GRM1: variants seen among roughly 807,000 people sequenced by gnomAD.
GRM1 encodes metabotropic glutamate receptor 1.
In GRM1, 33 loss-of-function variants were observed where a neutral mutation model predicts 90.9. That is an observed-to-expected ratio of 0.36 (90% CI 0.28 to 0.49). GRM1 has a LOEUF of 0.49. Among genes scored for constraint, GRM1 ranks in the 20% least tolerant of loss-of-function variants. The pLI is 0.99. For missense variants in GRM1, 1,190 were observed against 1,534.3 expected (o/e 0.78, Z 3.75); for synonymous variants, 700 against 613.2 (o/e 1.14, Z -2.09).
At chr6:146,396,905 C>A (rs362931) in intron 6 of GRM1, among the ~76,000 whole-genome samples, 2,816 of 152,180 alleles carry the variant, frequency 0.019, 34 homozygotes, top group Middle Eastern at 0.034. Flanking sequence ...AGTTTAAGTG[C>A]CTTCTATATA....
chr6:146,434,360 C>T lies in GRM1; in HGVS notation c.3149C>T (p.Ala1050Val), dbSNP rs759211795. 2 of 1,612,460 alleles carry T rather than the reference C, an allele frequency of 1.2e-6. No homozygotes were observed. The highest frequency in any genetic ancestry group is 3.3e-5 in the Admixed American group (2 of 59,944). The change falls in exon 8 of 8, where the codon GCG becomes GTG. Residue 1050 changes from alanine to valine, a missense_variant. Around this residue, in one of 10 missense-constraint regions of GRM1, gnomAD observed 400 missense variants for 360.8 expected, o/e 1.11. Transcript: ENST00000282753. ...NFSTAIPDFH[A>V]VLAGPGGPGN... The stretch of plus-strand genomic sequence containing the variant: ...AGTACCGCGATCCCGGATTTTCACG[C>T]GGTGCTGGCAGGCCCCGGTGGTCCC...
At chr6:146,131,711 C>T (rs1158880436) in intron 1 of GRM1, among the ~76,000 whole-genome samples, 1 of 152,078 alleles carries the variant, frequency 6.6e-6, no homozygotes, top group Non-Finnish European at 1.5e-5. Context: ...TTTGTTTAGG[C>T]ACTGTTCTGG....
intron 2 of GRM1, among the ~76,000 whole-genome samples, chr6:146,180,131 CA>C (rs1180880900): frequency 6.6e-6 from 1 of 151,412 alleles, no homozygotes; most frequent in Non-Finnish European, 1.5e-5. Flanking sequence ...CCCAACTCAC[CA>C]AAAAACAAAC....
chr6:146,434,100 C>T lies in GRM1; in HGVS notation c.2889C>T (p.Ala963=). Residue 963 remains alanine, a synonymous_variant, in exon 8 of 8, where the codon GCC becomes GCT. Coordinates refer to ENST00000282753, the MANE Select transcript of GRM1 (RefSeq NM_001278064.2). The stretch of plus-strand genomic sequence containing the variant: ...ACAACGTAGAGGAGGAGGAGGATGC[C>T]CAGCCGATTCGCTTTAGCCCGCCTG... ...TLYNVEEEED[A]QPIRFSPPGS... The T allele has an allele frequency of 6.2e-7, 1 of 1,614,050 alleles. No individual in the cohort carries two copies. The highest frequency in any genetic ancestry group is 2.2e-5 in the East Asian group (1 of 44,836).
At chr6:146,202,785 G>A (rs1239869236) in intron 2 of GRM1, among the ~76,000 whole-genome samples, 2 of 152,162 alleles carry the variant, frequency 1.3e-5, no homozygotes, top group East Asian at 3.8e-4. Context: ...GAAGTGCTGG[G>A]TTGGCTGCAA....
chr6:146,106,513 A>C (rs1396090140), intron 1 of GRM1, among the ~76,000 whole-genome samples: 1 of 152,238 alleles, frequency 6.6e-6, no homozygotes, highest in Admixed American at 6.5e-5. Context: ...CTCTTTGAAC[A>C]GTAGTGTCCC....
At chr6:146,221,647 A>G (rs1780067016) in intron 2 of GRM1, among the ~76,000 whole-genome samples, 3 of 152,192 alleles carry the variant, frequency 2.0e-5, no homozygotes, top group Admixed American at 2.0e-4. Context: ...GTAGCGCTGC[A>G]ATAAACATAT....
In GRM1 at chr6:146,299,847, G is replaced by A. The variant is rs563381647; in HGVS notation, c.951-4764G>A. 7.6e-4 allele frequency among the ~76,000 whole-genome samples: 115 copies of A among 152,150 alleles called. 4 individuals carry two copies. The South Asian group carries it at 0.024, about 31-fold the overall frequency. ...TCTGCAAATCCACTGGGCTGTACCT[G>A]AGTTCCCCACAACCTCAACCTTGTG... is the stretch of plus-strand genomic sequence containing the variant. On this transcript the variant is annotated intron_variant, in intron 2 of 7. Transcript: ENST00000282753.
intron 7 of GRM1, among the ~76,000 whole-genome samples, chr6:146,429,624 C>G (rs967652438): frequency 6.6e-6 from 1 of 152,122 alleles, no homozygotes; most frequent in African/African-American, 2.4e-5. Context: ...TTGGGAAAGT[C>G]TTGGTGGGGT....
intron 3 of GRM1, among the ~76,000 whole-genome samples, chr6:146,317,504 T>C (rs1784018139): frequency 6.6e-6 from 1 of 152,214 alleles, no homozygotes; most frequent in Non-Finnish European, 1.5e-5. Context: ...ATTGTTGGTT[T>C]CGTTGTGTTA....
intron 2 of GRM1, among the ~76,000 whole-genome samples, chr6:146,253,355 T>C (rs1468372150): frequency 1.3e-5 from 2 of 152,118 alleles, no homozygotes; most frequent in Non-Finnish European, 2.9e-5. Flanking sequence ...AAATGATTGA[T>C]TGAATGATTT....
chr6:146,140,479 G>T (rs1454385451), intron 1 of GRM1, among the ~76,000 whole-genome samples: 1 of 152,068 alleles, frequency 6.6e-6, no homozygotes, highest in African/African-American at 2.4e-5. Context: ...ATGATTGCCA[G>T]GCTGGTCTTG....
rs181918247 is a variant in GRM1 at position 146,274,361 on chromosome 6, G to A, written c.951-30250G>A. On this transcript the variant is annotated intron_variant, in intron 2 of 7. Transcript: ENST00000282753. ...TTTTCAATAAAATCAATTTATATAGGCTACTTTCTAAGAATACTGCAAAGA... is the reference window on the plus strand; with the variant it reads ...TTTTCAATAAAATCAATTTATATAGACTACTTTCTAAGAATACTGCAAAGA... Among the ~76,000 whole-genome samples, 595 of 152,110 alleles carry A rather than the reference G, an allele frequency of 3.9e-3. 3 individuals are homozygous for A. The highest frequency in any genetic ancestry group is 6.8e-3 in the Middle Eastern group (2 of 294).
chr6:146,076,181 G>A (rs113059420), intron 1 of GRM1, among the ~76,000 whole-genome samples: 3 of 152,120 alleles, frequency 2.0e-5, no homozygotes, highest in Non-Finnish European at 4.4e-5. Flanking sequence ...CTTGCATAGG[G>A]TTAGTGATGA....
At chr6:146,159,629 T>TCA (rs1777640059) in intron 2 of GRM1, 32 bp downstream of exon 2, 8 of 1,516,322 alleles carry the variant, frequency 5.3e-6, no homozygotes, top group African/African-American at 5.1e-5. Flanking sequence ...TCTCTCTCTC[T>TCA]CTCTCTCTCT....
chr6:146,041,659 G>A (rs1173164271), intron 1 of GRM1, among the ~76,000 whole-genome samples: 1 of 151,812 alleles, frequency 6.6e-6, no homozygotes, highest in African/African-American at 2.4e-5. Context: ...TCTCTGACTC[G>A]GTATCTCCTT....
In GRM1 at chr6:146,398,843, C is replaced by A; in HGVS notation, c.1804C>A (p.Leu602Met). 1 of 1,613,790 alleles carries A rather than the reference C, an allele frequency of 6.2e-7. No individual in the cohort carries two copies. The change falls in exon 7 of 8, where the codon CTG (leucine) becomes ATG (methionine). Residue 602 changes from leucine to methionine, a missense_variant. This residue lies in a region of GRM1 where 414 missense variants were observed against 598.4 expected (regional missense o/e 0.69). Transcript: ENST00000282753. ...ESIIAIAFSC[L>M]GILVTLFVTL... The stretch of plus-strand genomic sequence containing the variant: ...CATTATAGCCATCGCCTTTTCATGC[C>A]TGGGAATCCTTGTTACCTTGTTTGT...
At chr6:146,321,145 G>A (rs80339128) in intron 3 of GRM1, among the ~76,000 whole-genome samples, 209 of 152,224 alleles carry the variant, frequency 1.4e-3, no homozygotes, top group Admixed American at 3.4e-3. Flanking sequence ...TGCTTTAGCT[G>A]TGTCCCAGAG....
intron 3 of GRM1, among the ~76,000 whole-genome samples, chr6:146,314,296 G>A (rs140838170): frequency 6.6e-6 from 1 of 150,682 alleles, no homozygotes; most frequent in African/African-American, 2.4e-5. Flanking sequence ...GGCTGATCTC[G>A]AACTCCTGAC....
Sources: allele counts gnomAD v4.1 joint callset (sites outside exome capture counted in the v4.1 genomes callset), GRCh38; gene constraint gnomAD v4.1.1; regional missense constraint gnomAD v4.1.1; transcripts MANE v1.5; gene names NCBI Gene and HGNC (gene_info 2026-07-23, HGNC 2026-07-21).